Variants in NSMCE2 observed in about 807,000 individuals in gnomAD.
NSMCE2 encodes NSE2 SUMO ligase component of SMC5/6 complex.
Under a neutral mutation model 23.8 loss-of-function variants are expected in NSMCE2, and 24 were observed. The observed-to-expected ratio is 1.01, with a 90% CI of 0.73 to 1.42. NSMCE2 has a LOEUF of 1.42. Among genes scored for constraint, NSMCE2 ranks in the 40% most tolerant of loss-of-function variants. The pLI is 0.00. For synonymous variants in NSMCE2, 92 were observed against 94.1 expected (o/e 0.98, Z 0.13); for missense variants, 284 against 296.5 (o/e 0.96, Z 0.31).
At chr8:125,213,190 T>G (rs1165238684) in intron 5 of NSMCE2, among the ~76,000 whole-genome samples, 1 of 152,196 alleles carries the variant, frequency 6.6e-6, no homozygotes, top group Non-Finnish European at 1.5e-5. Flanking sequence ...AAGCTTTTAT[T>G]CTCTGTTGTG....
intron 5 of NSMCE2, among the ~76,000 whole-genome samples, chr8:125,291,348 T>G (rs770727833): frequency 2.0e-5 from 3 of 152,242 alleles, no homozygotes; most frequent in Non-Finnish European, 4.4e-5. Context: ...AAGAACTATA[T>G]AAAATTTTAA....
intron 5 of NSMCE2, among the ~76,000 whole-genome samples, chr8:125,284,754 T>C (rs1263668806): frequency 6.6e-6 from 1 of 152,204 alleles, no homozygotes; most frequent in Non-Finnish European, 1.5e-5. Context: ...TAACAACTAA[T>C]AACAATAACA....
intron 5 of NSMCE2, among the ~76,000 whole-genome samples, chr8:125,310,285 AT>A (rs1286704266): frequency 2.0e-5 from 3 of 152,176 alleles, no homozygotes; most frequent in Non-Finnish European, 4.4e-5. Context: ...CACCTGTCAG[AT>A]TTGGGGCAAG....
intron 5 of NSMCE2, among the ~76,000 whole-genome samples, chr8:125,183,045 A>G (rs1822903873): frequency 1.3e-5 from 2 of 152,234 alleles, no homozygotes; most frequent in East Asian, 1.9e-4. Context: ...AGACGCTTGT[A>G]TTTCTTAAAG....
chr8:125,174,110 T>C (rs1822356394), intron 4 of NSMCE2, among the ~76,000 whole-genome samples: 2 of 152,206 alleles, frequency 1.3e-5, no homozygotes, highest in Non-Finnish European at 2.9e-5. Context: ...TGTATAGTTA[T>C]GTTGCTGTAT....
intron 5 of NSMCE2, among the ~76,000 whole-genome samples, chr8:125,343,177 T>A (rs1228404636): frequency 6.6e-6 from 1 of 152,104 alleles, no homozygotes; most frequent in Non-Finnish European, 1.5e-5. Flanking sequence ...AGATTCGGGG[T>A]CAGTGGGTGA....
At chr8:125,336,716 TTC>T (rs1830073432) in intron 5 of NSMCE2, among the ~76,000 whole-genome samples, 1 of 152,288 alleles carries the variant, frequency 6.6e-6, no homozygotes. Flanking sequence ...CTGCATTTAA[TTC>T]TCTCTTTGGA....
At chr8:125,092,307 G>A (rs948675511) in intron 1 of NSMCE2, among the ~76,000 whole-genome samples, 1 of 152,190 alleles carries the variant, frequency 6.6e-6, no homozygotes, top group Non-Finnish European at 1.5e-5. Flanking sequence ...GCGATAAGGA[G>A]AATAAAGTGC....
At chr8:125,278,718 G>C (rs1563759807) in intron 5 of NSMCE2, among the ~76,000 whole-genome samples, 1 of 152,004 alleles carries the variant, frequency 6.6e-6, no homozygotes, top group African/African-American at 2.4e-5. Flanking sequence ...TTTGGATATT[G>C]TTTTGGTTTT....
rs62520997 is a variant in NSMCE2 at position 125,318,744 on chromosome 8, T to C, written c.419-38475T>C. Among the ~76,000 whole-genome samples the C allele has an allele frequency of 4.1e-3, 627 of 152,180 alleles. 5 individuals carry two copies. Among genetic ancestry groups the C allele is most frequent in the Non-Finnish European group, 6.8e-3 (462 of 68,000 alleles). On this transcript the variant is annotated intron_variant, in intron 5 of 7. Coordinates refer to ENST00000287437, the MANE Select transcript of NSMCE2 (RefSeq NM_173685.4). ...ATTGACATCAGGCATGGAAAGGCAATGATCCTTGAAGACAGGAAACAAAGG... is the reference window on the plus strand; with the variant it reads ...ATTGACATCAGGCATGGAAAGGCAACGATCCTTGAAGACAGGAAACAAAGG...
chr8:125,219,700 T>C lies in NSMCE2; in HGVS notation c.418+37444T>C, dbSNP rs1233983062. Among the ~76,000 whole-genome samples the C allele has an allele frequency of 1.1e-4, 16 of 152,326 alleles. 1 individual carries two copies. Among genetic ancestry groups the C allele is most frequent in the Admixed American group, 1.0e-3 (16 of 15,300 alleles). On this transcript the variant is annotated intron_variant, in intron 5 of 7. Coordinates refer to ENST00000287437, the MANE Select transcript of NSMCE2 (RefSeq NM_173685.4). ...AAGCTAGATTCTCAGAATTCTCCCG[T>C]GGTTATAAGACTTACTCTATTTTAT...
chr8:125,326,672 C>T (rs528875218), intron 5 of NSMCE2, among the ~76,000 whole-genome samples: 13 of 152,164 alleles, frequency 8.5e-5, no homozygotes, highest in South Asian at 6.2e-4. Flanking sequence ...ATAAAAAAGG[C>T]GGGCCAGGCG....
chr8:125,338,970 G>C (rs1170655278), intron 5 of NSMCE2, among the ~76,000 whole-genome samples: 3 of 152,162 alleles, frequency 2.0e-5, no homozygotes, highest in Non-Finnish European at 4.4e-5. Context: ...GAAGGTCAAG[G>C]ATGAGCAGGC....
At chr8:125,232,652 A>G (rs1825375227) in intron 5 of NSMCE2, among the ~76,000 whole-genome samples, 1 of 152,078 alleles carries the variant, frequency 6.6e-6, no homozygotes, top group Non-Finnish European at 1.5e-5. Flanking sequence ...TGTTCTGCGT[A>G]CTCATCCCCA....
chr8:125,320,931 A>G (rs928957751), intron 5 of NSMCE2, among the ~76,000 whole-genome samples: 2 of 152,210 alleles, frequency 1.3e-5, no homozygotes, highest in African/African-American at 4.8e-5. Flanking sequence ...GAAACTGTAA[A>G]TCATGGCAGA....
At chr8:125,172,062 T>C (rs1238205162) in intron 4 of NSMCE2, among the ~76,000 whole-genome samples, 1 of 152,184 alleles carries the variant, frequency 6.6e-6, no homozygotes, top group East Asian at 1.9e-4. Context: ...AAAGGTTAAG[T>C]AGATTATAGA....
chr8:125,096,441 A>T (rs140082857), intron 1 of NSMCE2, among the ~76,000 whole-genome samples: 1 of 151,388 alleles, frequency 6.6e-6, no homozygotes, highest in African/African-American at 2.4e-5. Context: ...TTTGAGGATT[A>T]TTTTTTTCAG....
At chr8:125,092,179 T>C (rs2130273533) in intron 1 of NSMCE2, among the ~76,000 whole-genome samples, 1 of 152,314 alleles carries the variant, frequency 6.6e-6, no homozygotes, top group South Asian at 2.1e-4. Context: ...TTACGAATTT[T>C]TGATCCAAAT....
chr8:125,286,015 T>C (rs949981134), intron 5 of NSMCE2, among the ~76,000 whole-genome samples: 8 of 151,600 alleles, frequency 5.3e-5, no homozygotes, highest in African/African-American at 1.9e-4. Context: ...TGCCACACAC[T>C]ACCCCCGAGA....
Sources: allele counts gnomAD v4.1 joint callset (sites outside exome capture counted in the v4.1 genomes callset), GRCh38; gene constraint gnomAD v4.1.1; transcripts MANE v1.5; gene names NCBI Gene and HGNC (gene_info 2026-07-23, HGNC 2026-07-21).